PIWIL4: variants seen among roughly 807,000 people sequenced by gnomAD.
The protein encoded by PIWIL4 is piwi-like protein 4.
A neutral mutation model predicts 100.9 loss-of-function variants in PIWIL4; 50 were observed. That is an observed-to-expected ratio of 0.50 (90% CI 0.39 to 0.63). The LOEUF is 0.63. Among genes scored for constraint, PIWIL4 ranks in the 20% least tolerant of loss-of-function variants. PIWIL4 has a pLI of 0.00. For missense variants in PIWIL4, 887 were observed against 1,043.3 expected, an observed-to-expected ratio of 0.85 and a Z score of 2.06; for synonymous variants, 342 against 367.5, an observed-to-expected ratio of 0.93 and a Z score of 0.79.
intron 17 of PIWIL4, 29 bp downstream of exon 17, chr11:94,618,136 C>T (rs745796828): frequency 2.0e-6 from 3 of 1,525,622 alleles, no homozygotes. Context: ...TTCCTCCATA[C>T]TCCCAATTAT....
At chr11:94,619,956 G>T in intron 18 of PIWIL4, 41 bp from the exon 19 acceptor site, 1 of 1,614,046 alleles carries the variant, frequency 6.2e-7, no homozygotes, top group Non-Finnish European at 8.5e-7. Context: ...ACCTTATTCT[G>T]TTTGCCTTCT....
intron 3 of PIWIL4, among the ~76,000 whole-genome samples, chr11:94,575,649 A>G (rs1234841457): frequency 6.6e-6 from 1 of 152,216 alleles, no homozygotes; most frequent in Non-Finnish European, 1.5e-5. Flanking sequence ...TTTTAAACCA[A>G]AATAAGAAAT....
At chr11:94,620,752 C>T (rs551558192) in intron 19 of PIWIL4, 124 bp from the exon 20 acceptor site, 2 of 656,282 alleles carry the variant, frequency 3.0e-6, no homozygotes, top group South Asian at 4.2e-5. Context: ...GTTGAGGTTA[C>T]CTGTTGTTTA....
At chr11:94,617,359 T>G (rs1006480196) in intron 16 of PIWIL4, among the ~76,000 whole-genome samples, 58 of 152,314 alleles carry the variant, frequency 3.8e-4, no homozygotes, top group Non-Finnish European at 6.6e-4. Context: ...GGTAATTTTT[T>G]TTTTAGCAGT....
Position 94,604,022 on chromosome 11 carries a change from C to A in PIWIL4, c.1604C>A (p.Ala535Asp). The change falls in exon 13 of 20, where the codon GCT (alanine) becomes GAT (aspartate). Residue 535 changes from alanine (A) to aspartate (D), a missense_variant. Physicochemically the swap from Ala to Asp is moderately radical, Grantham distance 126. Transcript: ENST00000299001. ...VQENPAAFVR[A>D]IQQYVDPDVQ... ...GAAAATCCAGCTGCATTTGTTAGAG[C>A]TATACAGCAATATGTTGATCCTGAT... is the stretch of plus-strand genomic sequence containing the variant. The A allele has an allele frequency of 6.2e-7, 1 of 1,607,010 alleles. No individual in the cohort carries two copies.
Position 94,567,602 on chromosome 11 carries a change from A to G in PIWIL4, c.84A>G (p.Pro28=), listed in dbSNP as rs1304667336. 15 of 1,602,436 alleles carry G rather than the reference A, an allele frequency of 9.4e-6. No individual in the cohort carries two copies. Among genetic ancestry groups the G allele is most frequent in the East Asian group, 6.7e-5 (3 of 44,588 alleles). ...AAGTGGGGCGCATCCAAGCCTCGCCATTGGTGTGTAGAATGCTTATTGCGC... is the reference window on the plus strand; with the variant it reads ...AAGTGGGGCGCATCCAAGCCTCGCCGTTGGTGTGTAGAATGCTTATTGCGC... ...ATEVGRIQAS[P]LPRSVDLSNN... The change falls in exon 1 of 20, where the codon CCA becomes CCG. Residue 28 remains proline, a synonymous_variant. Coordinates refer to ENST00000299001, the MANE Select transcript of PIWIL4 (RefSeq NM_152431.3).
intron 4 of PIWIL4, among the ~76,000 whole-genome samples, chr11:94,578,413 A>G (rs867911004): frequency 2.0e-5 from 3 of 152,160 alleles, no homozygotes; most frequent in Non-Finnish European, 4.4e-5. Context: ...GGTGTTGGCT[A>G]TTGTTTCTGC....
intron 16 of PIWIL4, among the ~76,000 whole-genome samples, chr11:94,617,272 T>A (rs748472610): frequency 1.2e-4 from 18 of 152,236 alleles, no homozygotes; most frequent in Admixed American, 4.6e-4. Context: ...AAAATAACTA[T>A]GCAATATATA....
chr11:94,577,222 TA>T (rs1327169109), intron 3 of PIWIL4, 55 bp from the exon 4 acceptor site: 14 of 1,372,554 alleles, frequency 1.0e-5, no homozygotes, highest in African/African-American at 1.4e-5. Flanking sequence ...GTGTGATTAA[TA>T]TTAACATGAT....
intron 2 of PIWIL4, among the ~76,000 whole-genome samples, chr11:94,570,064 T>C (rs1948130095): frequency 6.6e-6 from 1 of 152,194 alleles, no homozygotes. Flanking sequence ...TGTAGCCAAC[T>C]GCTCTCTTTC....
intron 11 of PIWIL4, among the ~76,000 whole-genome samples, chr11:94,600,770 C>T (rs1056433441): frequency 3.3e-5 from 5 of 152,006 alleles, no homozygotes; most frequent in Admixed American, 2.0e-4. Flanking sequence ...CAGCCACGCC[C>T]AGGGGGGCCA....
intron 15 of PIWIL4, among the ~76,000 whole-genome samples, chr11:94,610,866 G>A (rs1476669578): frequency 6.6e-6 from 1 of 152,160 alleles, no homozygotes; most frequent in Non-Finnish European, 1.5e-5. Flanking sequence ...CAAGATCAAT[G>A]TCATGGAGCT....
At chr11:94,606,563 C>G (rs1948720354) in intron 13 of PIWIL4, among the ~76,000 whole-genome samples, 1 of 152,178 alleles carries the variant, frequency 6.6e-6, no homozygotes, top group Non-Finnish European at 1.5e-5. Flanking sequence ...GGGGCGGTGG[C>G]TCACGCCTGT....
chr11:94,602,243 A>G (rs993867931), intron 12 of PIWIL4, among the ~76,000 whole-genome samples: 2 of 152,200 alleles, frequency 1.3e-5, no homozygotes, highest in African/African-American at 4.8e-5. Flanking sequence ...ACCAGTTGGG[A>G]TATAAATCTT....
At chr11:94,604,117 A>G (rs1948685243) in intron 13 of PIWIL4, 61 bp downstream of exon 13, 2 of 1,042,008 alleles carry the variant, frequency 1.9e-6, no homozygotes, top group Middle Eastern at 2.1e-4. Context: ...CTTTATATCT[A>G]CAGTCTGAAC....
Position 94,607,609 on chromosome 11 carries a change from C to A in PIWIL4, c.1809C>A (p.Leu603=). Residue 603 remains leucine (L), a synonymous_variant, in exon 14 of 20, where the codon CTC becomes CTA. Transcript: ENST00000299001. ...TKIAMQMTCK[L]GGELWAVEIP... is the part of the protein sequence containing the mutation. ...TCGCTATGCAGATGACTTGCAAGCT[C>A]GGAGGCGAGCTGTGGGCTGTGGAAA... 1 of 1,613,996 alleles carries A rather than the reference C, an allele frequency of 6.2e-7. No homozygotes were observed.
At chr11:94,586,941 T>A in intron 6 of PIWIL4, 109 bp from the exon 7 acceptor site, 1 of 1,112,956 alleles carries the variant, frequency 9.0e-7, no homozygotes, top group South Asian at 1.6e-5. Flanking sequence ...AAAAAAATTA[T>A]CTTGTTAAGA....
intron 15 of PIWIL4, among the ~76,000 whole-genome samples, chr11:94,608,922 C>A (rs1297856993): frequency 6.6e-6 from 1 of 152,122 alleles, no homozygotes; most frequent in Non-Finnish European, 1.5e-5. Flanking sequence ...CTCATCTTCC[C>A]CAAATGATAG....
intron 2 of PIWIL4, among the ~76,000 whole-genome samples, chr11:94,574,136 CA>C (rs1240668143): frequency 6.6e-6 from 1 of 152,196 alleles, no homozygotes; most frequent in Non-Finnish European, 1.5e-5. Context: ...CTAATTTAAA[CA>C]GAAAATACTC....
Sources: allele counts gnomAD v4.1 joint callset (sites outside exome capture counted in the v4.1 genomes callset), GRCh38; gene constraint gnomAD v4.1.1; transcripts MANE v1.5; gene names NCBI Gene and HGNC (gene_info 2026-07-23, HGNC 2026-07-21).